Variants in RIPOR1 observed in about 807,000 individuals in gnomAD.
RIPOR1 encodes rho family-interacting cell polarization regulator 1.
RIPOR1 carries 58 observed loss-of-function variants against 116.5 expected under a neutral mutation model. That is an observed-to-expected ratio of 0.50 (90% CI 0.40 to 0.62). The LOEUF is 0.62. Ranked by LOEUF, RIPOR1 falls within the 20% of genes least tolerant of loss-of-function variation. The pLI is 0.00. For synonymous variants in RIPOR1, 605 were observed against 650.0 expected (o/e 0.93, Z 1.05); for missense variants, 1,372 against 1,586.2 (o/e 0.86, Z 2.29).
chr16:67,525,673 A>G (rs935536803), upstream of RIPOR1, among the ~76,000 whole-genome samples: 6 of 152,052 alleles, frequency 3.9e-5, no homozygotes, highest in African/African-American at 1.4e-4. Flanking sequence ...CTCAGGCCTG[A>G]GTCCACCCCT....
chr16:67,544,428 G>A lies in RIPOR1; in HGVS notation c.2730G>A (p.Leu910=). 1 of 1,607,582 alleles carries A rather than the reference G, an allele frequency of 6.2e-7. No homozygotes were observed. Among genetic ancestry groups the A allele is most frequent in the Non-Finnish European group, 8.5e-7 (1 of 1,177,838 alleles). ...ACCTGTACCACTGCAGTCGCCTCCT[G>A]CTGGTGAGGCTGATGGTGTTCCCCC... ...VRHLYHCSRL[L]LKLGTFGPLR... is the part of the protein sequence containing the mutation. Residue 910 remains leucine, a synonymous_variant, in exon 15 of 22, where the codon CTG becomes CTA. Transcript: ENST00000042381. This position sits in a 1 kb window ranked among gnomAD's most constrained non-coding sequence, Gnocchi z 5.1.
chr16:67,523,144 A>G (rs1430448364), intron 1 of RIPOR1, among the ~76,000 whole-genome samples: 1 of 152,176 alleles, frequency 6.6e-6, no homozygotes, highest in African/African-American at 2.4e-5. Context: ...CCAGGCGCAT[A>G]GCACATGCTC....
rs777277666 is a variant in RIPOR1, at chr16:67,540,002, C to A, written c.415-51C>A. 5.0e-6 allele frequency: 8 copies of A among 1,613,690 alleles called. No individual in the cohort carries two copies. In the East Asian group the frequency reaches 6.7e-5, roughly 13 times the overall value. On this transcript the variant is annotated intron_variant, in intron 6 of 21. Transcript: ENST00000042381. This position sits in a 1 kb window ranked among gnomAD's most constrained non-coding sequence, Gnocchi z 4.7. ...GGTGAGCAACCTTAGAGGTGAGTAA[C>A]CCCAGAGGTGAGTCTCAGTCCCCCT...
intron 1 of RIPOR1, among the ~76,000 whole-genome samples, chr16:67,536,899 C>G (rs1449596889): frequency 6.6e-6 from 1 of 152,168 alleles, no homozygotes; most frequent in Non-Finnish European, 1.5e-5. Context: ...AACCCCAGCT[C>G]TCAGCCCTCT....
rs2050630480 is a variant in RIPOR1 at position 67,530,474 on chromosome 16, G to T, written c.-24+1560G>T. On this transcript the variant is annotated intron_variant, in intron 1 of 21. Transcript: ENST00000042381. The surrounding 1 kb of genome is among the most constrained non-coding windows in gnomAD (Gnocchi z 4.5). Reference sequence around the variant, plus strand: ...TGGAGACAAGGACAGGCTCAGAAGGGACCCCCTTCTCCCTTGCAGCCGCCC... The same window carrying T: ...TGGAGACAAGGACAGGCTCAGAAGGTACCCCCTTCTCCCTTGCAGCCGCCC... Among the ~76,000 whole-genome samples, 1 of 152,202 alleles carries T rather than the reference G, an allele frequency of 6.6e-6. No individual in the cohort carries two copies. Among genetic ancestry groups the T allele is most frequent in the African/African-American group, 2.4e-5 (1 of 41,466 alleles).
intron 1 of RIPOR1, 80 bp from the exon 2 acceptor site, chr16:67,538,344 G>A (rs2142511240): frequency 6.7e-7 from 1 of 1,489,898 alleles, no homozygotes; most frequent in Non-Finnish European, 9.0e-7. Context: ...GGAAAGACCT[G>A]CGCCAGCCCT....
rs370388644 is a variant in RIPOR1, at chr16:67,541,790, A to G, written c.1080+8A>G. 3 of 1,613,936 alleles carry G rather than the reference A, an allele frequency of 1.9e-6. No individual in the cohort carries two copies. The highest frequency in any genetic ancestry group is 2.7e-5 in the African/African-American group (2 of 74,900). ...CGGGAACAGGCTTTCTATGTGAGTC[A>G]TAGCCCAGGTCCAGGCCTCACCATC... On this transcript the variant is annotated splice_region_variant and intron_variant, in intron 12 of 21. Transcript: ENST00000042381. The surrounding 1 kb of genome is among the most constrained non-coding windows in gnomAD (Gnocchi z 4.6).
In RIPOR1 at chr16:67,540,818, A is replaced by C. The variant is rs2050959273; in HGVS notation, c.801+114A>C. 1 of 1,112,480 alleles carries C rather than the reference A, an allele frequency of 9.0e-7. No individual in the cohort carries two copies. The highest frequency in any genetic ancestry group is 1.6e-5 in the African/African-American group (1 of 63,712). 68.9% of individuals were successfully genotyped at this position (1,112,480 alleles called of 1,614,324 possible). A position where few individuals can be genotyped will look rare whatever the true frequency, so the allele number is the denominator to read the frequency against. On this transcript the variant is annotated intron_variant, in intron 10 of 21. Coordinates refer to ENST00000042381, the MANE Select transcript of RIPOR1 (RefSeq NM_024519.4). The surrounding 1 kb of genome is among the most constrained non-coding windows in gnomAD (Gnocchi z 4.7). ...CCCTCATAGCTCCATAGCCCTGTGA[A>C]GATATGATTCCATGACCTTCATGAT...
Position 67,530,284 on chromosome 16 carries a change from A to G in RIPOR1, c.-24+1370A>G, listed in dbSNP as rs903167493. ...CTGGCTCCCAGCGCGCGGCCAGGGA[A>G]TGTAACCAGCTGACCAGGGAGGGGG... is the stretch of plus-strand genomic sequence containing the variant. On this transcript the variant is annotated intron_variant, in intron 1 of 21. Transcript: ENST00000042381. This position sits in a 1 kb window ranked among gnomAD's most constrained non-coding sequence, Gnocchi z 4.5. Among the ~76,000 whole-genome samples, 2 of 152,004 alleles carry G rather than the reference A, an allele frequency of 1.3e-5. No homozygotes were observed. Among genetic ancestry groups the G allele is most frequent in the African/African-American group, 4.8e-5 (2 of 41,434 alleles).
At chr16:67,532,100 C>T (rs1289639193) in intron 1 of RIPOR1, among the ~76,000 whole-genome samples, 2 of 151,680 alleles carry the variant, frequency 1.3e-5, no homozygotes, top group African/African-American at 2.4e-5. Context: ...GGGGTTTCAC[C>T]GTGTTAGCCA....
At chr16:67,519,164 C>T (rs1166896766) in intron 1 of RIPOR1, among the ~76,000 whole-genome samples, 4 of 151,914 alleles carry the variant, frequency 2.6e-5, no homozygotes, top group Non-Finnish European at 5.9e-5. Context: ...TTTGTAGTGC[C>T]AGCTACTTGG....
At chr16:67,525,537 G>A (rs978797632), upstream of RIPOR1, among the ~76,000 whole-genome samples, 7 of 152,080 alleles carry the variant, frequency 4.6e-5, no homozygotes, top group African/African-American at 7.2e-5. Context: ...GAGGGAAGCC[G>A]CGGTTTTTCT....
rs201243978 is a variant in RIPOR1, at chr16:67,540,526, T to C, written c.675+25T>C. On this transcript the variant is annotated intron_variant, in intron 9 of 21. Coordinates refer to ENST00000042381, the MANE Select transcript of RIPOR1 (RefSeq NM_024519.4). This position sits in a 1 kb window ranked among gnomAD's most constrained non-coding sequence, Gnocchi z 4.7. ...GGTATGAGAATGTGCAGGGAAGGGC[T>C]GGGTCGGTAGGGTCCCAACACCTAG... 2 of 1,614,152 alleles carry C rather than the reference T, an allele frequency of 1.2e-6. No homozygotes were observed. The highest frequency in any genetic ancestry group is 3.3e-5 in the Admixed American group (2 of 60,026).
At chr16:67,538,364 T>C (rs924921124) in intron 1 of RIPOR1, 60 bp from the exon 2 acceptor site, 14 of 1,513,622 alleles carry the variant, frequency 9.2e-6, no homozygotes, top group Non-Finnish European at 1.2e-5. Context: ...TGGATCCCGC[T>C]GCGTGGGAGA....
At position 67,541,720 on chromosome 16, in the gene RIPOR1, C is replaced by A. The variant is rs762400610; in HGVS notation, c.1018C>A (p.Arg340Ser). 1.7e-5 allele frequency: 27 copies of A among 1,613,958 alleles called. No homozygotes were observed. In the Admixed American group the frequency reaches 1.8e-4, roughly 11 times the overall value. Residue 340 changes from arginine (R) to serine (S), a missense_variant, in exon 12 of 22, where the codon CGC (arginine) becomes AGC (serine). This residue lies in a region of RIPOR1 where 1,005 missense variants were observed against 1,144.7 expected (regional missense o/e 0.88). Coordinates refer to ENST00000042381, the MANE Select transcript of RIPOR1 (RefSeq NM_024519.4). This position sits in a 1 kb window ranked among gnomAD's most constrained non-coding sequence, Gnocchi z 4.6. ...SVNKASTVTK[R>S]FSTYSQSPPD... ...CAACAAGGCCTCCACAGTCACCAAG[C>A]GCTTCTCCACCTATAGCCAGAGCCC...
At position 67,545,572 on chromosome 16, in the gene RIPOR1, G is replaced by A; in HGVS notation, c.3190+38G>A. 6.2e-7 allele frequency: 1 copy of A among 1,609,196 alleles called. No individual in the cohort carries two copies. Among genetic ancestry groups the A allele is most frequent in the Non-Finnish European group, 8.5e-7 (1 of 1,176,848 alleles). On this transcript the variant is annotated intron_variant, in intron 18 of 21. Coordinates refer to ENST00000042381, the MANE Select transcript of RIPOR1 (RefSeq NM_024519.4). This position sits in a 1 kb window ranked among gnomAD's most constrained non-coding sequence, Gnocchi z 4.8. ...CCCTGATCACATAGTGGCCTCTTGG[G>A]GTCTGAGGACATGAGGACAAGCCCT...
chr16:67,521,941 C>G (rs2050498052), intron 1 of RIPOR1, among the ~76,000 whole-genome samples: 1 of 152,206 alleles, frequency 6.6e-6, no homozygotes, highest in Non-Finnish European at 1.5e-5. Flanking sequence ...CATTGTGGCT[C>G]TCAGGACCGA....
At position 67,541,436 on chromosome 16, in the gene RIPOR1, G is replaced by C; in HGVS notation, c.808G>C (p.Glu270Gln). The C allele has an allele frequency of 6.2e-7, 1 of 1,613,760 alleles. No individual in the cohort carries two copies. The highest frequency in any genetic ancestry group is 1.7e-4 in the Middle Eastern group (1 of 6,038). ...LTEFLSIKVT[E>Q]LKGLANHVVV... is the part of the protein sequence containing the mutation. ...CATGCACTCTTGGCTACAGGTGACA[G>C]AACTGAAGGGCCTGGCCAACCATGT... The change falls in exon 11 of 22, where the codon GAA becomes CAA. Residue 270 changes from glutamate (E) to glutamine (Q), a missense_variant. By Grantham distance (29) the Glu-to-Gln change is conservative. Coordinates refer to ENST00000042381, the MANE Select transcript of RIPOR1 (RefSeq NM_024519.4). The surrounding 1 kb of genome is among the most constrained non-coding windows in gnomAD (Gnocchi z 4.6).
chr16:67,524,254 C>T (rs146613575), upstream of RIPOR1, among the ~76,000 whole-genome samples: 4 of 152,314 alleles, frequency 2.6e-5, no homozygotes, highest in African/African-American at 9.6e-5. Flanking sequence ...GAGCAGCATC[C>T]CTGGCTCTTG....
Sources: allele counts gnomAD v4.1 joint callset (sites outside exome capture counted in the v4.1 genomes callset), GRCh38; gene constraint gnomAD v4.1.1; regional missense constraint gnomAD v4.1.1; non-coding constraint Gnocchi (gnomAD v3.1); transcripts MANE v1.5; gene names NCBI Gene and HGNC (gene_info 2026-07-23, HGNC 2026-07-21).